The following MB21D2 variants were observed in gnomAD, a reference collection of about 807,000 sequenced individuals.
MB21D2 encodes the protein nucleotidyltransferase MB21D2.
A neutral mutation model predicts 33.3 loss-of-function variants in MB21D2; 9 were observed. The observed-to-expected ratio is 0.27, with a 90% CI of 0.16 to 0.47. MB21D2 has a LOEUF of 0.47. Among genes scored for constraint, MB21D2 ranks in the 20% least tolerant of loss-of-function variants. MB21D2 has a pLI of 0.99. For missense variants in MB21D2, 540 were observed against 624.6 expected, an observed-to-expected ratio of 0.86 and a Z score of 1.44; for synonymous variants, 241 against 236.3, an observed-to-expected ratio of 1.02 and a Z score of -0.18.
chr3:192,848,441 A>C lies in MB21D2; in HGVS notation c.212-48791T>G, dbSNP rs540986906. 2.0e-5 allele frequency among the ~76,000 whole-genome samples: 3 copies of C among 152,342 alleles called. No individual in the cohort carries two copies. In the East Asian group the frequency reaches 5.8e-4, roughly 29 times the overall value. ...TCCAAATCAAGCCAGATAAAATAAA[A>C]GACATCAGTACTTTTAAACTGTACT... On this transcript the variant is annotated intron_variant, in intron 1 of 1. Transcript: ENST00000392452.
chr3:192,911,120 C>T (rs931356600), intron 1 of MB21D2, among the ~76,000 whole-genome samples: 2 of 152,114 alleles, frequency 1.3e-5, no homozygotes, highest in Non-Finnish European at 1.5e-5. Context: ...AGAATATTGT[C>T]CTTGTTAAAA....
intron 1 of MB21D2, among the ~76,000 whole-genome samples, chr3:192,809,280 G>C (rs189353018): frequency 8.5e-4 from 130 of 152,314 alleles, no homozygotes; most frequent in African/African-American, 3.1e-3. Context: ...ATTTTTAGTA[G>C]AGATGGGGTT....
At chr3:192,847,405 C>G (rs893526467) in intron 1 of MB21D2, among the ~76,000 whole-genome samples, 1 of 152,098 alleles carries the variant, frequency 6.6e-6, no homozygotes, top group East Asian at 1.9e-4. Context: ...CAGGTTGAAA[C>G]GGGGTCCTTA....
intron 1 of MB21D2, among the ~76,000 whole-genome samples, chr3:192,841,063 T>C (rs1712560526): frequency 1.3e-5 from 2 of 152,192 alleles, no homozygotes; most frequent in Non-Finnish European, 2.9e-5. Context: ...AACCAATCCT[T>C]CCAGGCACCA....
At chr3:192,815,650 C>A (rs1052074067) in intron 1 of MB21D2, among the ~76,000 whole-genome samples, 1 of 152,078 alleles carries the variant, frequency 6.6e-6, no homozygotes, top group African/African-American at 2.4e-5. Context: ...ACAACTTTGG[C>A]GGGCTTTTGG....
At chr3:192,916,884 G>A (rs967451390) in intron 1 of MB21D2, among the ~76,000 whole-genome samples, 2 of 152,212 alleles carry the variant, frequency 1.3e-5, no homozygotes, top group Non-Finnish European at 2.9e-5. Flanking sequence ...ACAAAGAGCA[G>A]GGAACCGGCG....
intron 1 of MB21D2, among the ~76,000 whole-genome samples, chr3:192,810,732 C>T (rs901660121): frequency 1.3e-5 from 2 of 152,144 alleles, no homozygotes; most frequent in Admixed American, 6.5e-5. Flanking sequence ...TATCATTTTA[C>T]CCATAAACAT....
chr3:192,892,087 T>C (rs2108647435), intron 1 of MB21D2, among the ~76,000 whole-genome samples: 1 of 151,430 alleles, frequency 6.6e-6, no homozygotes, highest in South Asian at 2.1e-4. Context: ...TTAACACTTC[T>C]ATTCCATGAC....
chr3:192,905,381 G>C lies in MB21D2; in HGVS notation c.211+12249C>G, dbSNP rs1392590307. Among the ~76,000 whole-genome samples, 4 of 152,044 alleles carry C rather than the reference G, an allele frequency of 2.6e-5. No individual in the cohort carries two copies. The East Asian group carries it at 7.7e-4, about 29-fold the overall frequency. ...TGGCTGGGCATGGTGGCTCACGCCT[G>C]TAATCCCAGCAATTTAGGAGGCCGA... On this transcript the variant is annotated intron_variant, in intron 1 of 1. Coordinates refer to ENST00000392452, the MANE Select transcript of MB21D2 (RefSeq NM_178496.4).
rs201158272 is a variant in MB21D2 at position 192,882,185 on chromosome 3, G to GCA, written c.211+35443_211+35444dup. Among the ~76,000 whole-genome samples, 938 of 152,116 alleles carry GCA rather than the reference G, an allele frequency of 6.2e-3. 47 individuals carry two copies. In the South Asian group the frequency reaches 0.11, roughly 18 times the overall value. On this transcript the variant is annotated intron_variant, in intron 1 of 1. Transcript: ENST00000392452. ...TTGATGCCCAGGCTAGAGTGCAATG[G>GCA]CACAATCTTGGCTCACTGCAACCTC...
chr3:192,900,622 T>C (rs1488346172), intron 1 of MB21D2, among the ~76,000 whole-genome samples: 2 of 152,022 alleles, frequency 1.3e-5, no homozygotes, highest in African/African-American at 4.8e-5. Context: ...ATTTGCTCCC[T>C]ATTGTATTCC....
At chr3:192,884,478 T>A (rs1713680647) in intron 1 of MB21D2, among the ~76,000 whole-genome samples, 1 of 151,854 alleles carries the variant, frequency 6.6e-6, no homozygotes, top group Non-Finnish European at 1.5e-5. Flanking sequence ...TCCATTCTCC[T>A]GCCTCAGCCT....
At chr3:192,889,880 G>A (rs140533640) in intron 1 of MB21D2, among the ~76,000 whole-genome samples, 1 of 152,030 alleles carries the variant, frequency 6.6e-6, no homozygotes, top group Non-Finnish European at 1.5e-5. Context: ...CACATCCAGA[G>A]TCAACACTTC....
intron 1 of MB21D2, among the ~76,000 whole-genome samples, chr3:192,810,915 G>A (rs559433287): frequency 6.6e-6 from 1 of 152,230 alleles, no homozygotes; most frequent in Non-Finnish European, 1.5e-5. Context: ...GCACATGTGC[G>A]TATGACTTTG....
At chr3:192,853,216 C>T (rs1345648359) in intron 1 of MB21D2, among the ~76,000 whole-genome samples, 1 of 152,160 alleles carries the variant, frequency 6.6e-6, no homozygotes, top group East Asian at 1.9e-4. Flanking sequence ...AACCACATCA[C>T]CCCTCGAAGG....
At chr3:192,903,879 G>A (rs950082225) in intron 1 of MB21D2, among the ~76,000 whole-genome samples, 3 of 152,176 alleles carry the variant, frequency 2.0e-5, no homozygotes, top group African/African-American at 7.2e-5. Flanking sequence ...TGAAGTGCCT[G>A]CTGCCATTTT....
chr3:192,881,415 G>A (rs1407862720), intron 1 of MB21D2, among the ~76,000 whole-genome samples: 1 of 152,080 alleles, frequency 6.6e-6, no homozygotes, highest in Admixed American at 6.5e-5. Context: ...CCAGCTCGAT[G>A]TTTTATGGTT....
At chr3:192,814,961 T>C (rs1711888311) in intron 1 of MB21D2, among the ~76,000 whole-genome samples, 1 of 152,130 alleles carries the variant, frequency 6.6e-6, no homozygotes, top group African/African-American at 2.4e-5. Context: ...TTTCATCTAC[T>C]TTCCCCCAAC....
At chr3:192,847,209 T>G (rs1168217139) in intron 1 of MB21D2, among the ~76,000 whole-genome samples, 1 of 152,202 alleles carries the variant, frequency 6.6e-6, no homozygotes, top group African/African-American at 2.4e-5. Context: ...CCAACATTAC[T>G]TTGCTGATTA....
Sources: allele counts gnomAD v4.1 joint callset (sites outside exome capture counted in the v4.1 genomes callset), GRCh38; gene constraint gnomAD v4.1.1; transcripts MANE v1.5; gene names NCBI Gene and HGNC (gene_info 2026-07-23, HGNC 2026-07-21).